The following PCDHAC2 variants were observed in gnomAD, a reference collection of about 807,000 sequenced individuals.
PCDHAC2 encodes the protein protocadherin alpha-C2.
In PCDHAC2, 24 loss-of-function variants were observed where a neutral mutation model predicts 63.3. The observed-to-expected ratio is 0.38, with a 90% CI of 0.27 to 0.53. The LOEUF (loss-of-function observed/expected upper bound fraction) is 0.53, where lower values mean the gene tolerates loss of function less well. PCDHAC2 is among the 20% of genes least tolerant of loss of function. The probability of loss-of-function intolerance (pLI) is 0.81; values close to 1 mark genes in which losing one functional copy is unlikely to be tolerated. For synonymous variants in PCDHAC2, 569 were observed against 529.4 expected (o/e 1.07, Z -1.03); for missense variants, 1,181 against 1,275.2 (o/e 0.93, Z 1.12).
At chr5:140,971,958 C>G (rs2096508715) in intron 1 of PCDHAC2, among the ~76,000 whole-genome samples, 1 of 152,054 alleles carries the variant, frequency 6.6e-6, no homozygotes, top group Non-Finnish European at 1.5e-5. Context: ...ACTCCAAAAA[C>G]TTTTTTTCAA....
chr5:140,990,729 C>G (rs2097409512), intron 3 of PCDHAC2, among the ~76,000 whole-genome samples: 1 of 152,134 alleles, frequency 6.6e-6, no homozygotes, highest in Non-Finnish European at 1.5e-5. Flanking sequence ...CTAGGTATAT[C>G]AACAGCCCTA....
intron 3 of PCDHAC2, among the ~76,000 whole-genome samples, chr5:141,007,874 T>TA (rs2098349969): frequency 6.6e-6 from 1 of 152,244 alleles, no homozygotes; most frequent in African/African-American, 2.4e-5. Flanking sequence ...TCCTTTGTCT[T>TA]ACACTTCTTT....
At position 140,974,721 on chromosome 5, in the gene PCDHAC2, G is replaced by A. The variant is rs1033117636; in HGVS notation, c.2566-4228G>A. 3.9e-5 allele frequency among the ~76,000 whole-genome samples: 6 copies of A among 152,050 alleles called. No homozygotes were observed. In the East Asian group the frequency reaches 1.2e-3, roughly 29 times the overall value. On this transcript the variant is annotated intron_variant, in intron 1 of 3. Transcript: ENST00000289269. ...TCACCATGTTGTTCAAGCTGCTCTCGAACTCCTGTCTCCACCTTGGCCTCC... is the reference window on the plus strand; with the variant it reads ...TCACCATGTTGTTCAAGCTGCTCTCAAACTCCTGTCTCCACCTTGGCCTCC...
chr5:140,999,523 C>T (rs115576128), intron 3 of PCDHAC2, among the ~76,000 whole-genome samples: 1 of 152,026 alleles, frequency 6.6e-6, no homozygotes, highest in Non-Finnish European at 1.5e-5. Context: ...CATTTTGTTA[C>T]CCCCTGGATA....
intron 3 of PCDHAC2, among the ~76,000 whole-genome samples, chr5:140,987,919 A>G (rs1441531471): frequency 1.3e-5 from 2 of 152,082 alleles, no homozygotes; most frequent in East Asian, 3.9e-4. Context: ...TATATTCTTA[A>G]TTGTCTCAAG....
In PCDHAC2 at chr5:140,967,066, C is replaced by T. The variant is rs782715200; in HGVS notation, c.300C>T (p.Phe100=). 2.5e-6 allele frequency: 4 copies of T among 1,612,790 alleles called. No individual in the cohort carries two copies. Among genetic ancestry groups the T allele is most frequent in the African/African-American group, 1.3e-5 (1 of 74,956 alleles). ...LELDLTSGAL[F]VNERIDREAL... is the part of the protein sequence containing the mutation. ...TGGACCTGACGAGTGGAGCGCTCTT[C>T]GTCAACGAGCGCATTGATCGGGAGG... Residue 100 remains phenylalanine (F), a synonymous_variant, in exon 1 of 4, where the codon TTC becomes TTT. Coordinates refer to ENST00000289269, the MANE Select transcript of PCDHAC2 (RefSeq NM_018899.6).
At chr5:140,973,414 C>G (rs992904408) in intron 1 of PCDHAC2, among the ~76,000 whole-genome samples, 1 of 152,204 alleles carries the variant, frequency 6.6e-6, no homozygotes, top group Non-Finnish European at 1.5e-5. Flanking sequence ...GCTTCCACTC[C>G]AGTTTTTCAT....
intron 3 of PCDHAC2, among the ~76,000 whole-genome samples, chr5:140,986,669 G>C (rs1448376850): frequency 6.6e-6 from 1 of 152,138 alleles, no homozygotes; most frequent in African/African-American, 2.4e-5. Flanking sequence ...ACAGTTTTCA[G>C]AAGAGTTCAG....
intron 3 of PCDHAC2, among the ~76,000 whole-genome samples, chr5:140,999,252 T>C (rs1474093411): frequency 1.3e-5 from 2 of 152,204 alleles, no homozygotes; most frequent in African/African-American, 4.8e-5. Flanking sequence ...GGGAGTTGGA[T>C]TAGTAAAGGA....
intron 2 of PCDHAC2, 69 bp downstream of exon 2, chr5:140,979,076 C>G: frequency 6.3e-7 from 1 of 1,584,068 alleles, no homozygotes; most frequent in South Asian, 1.1e-5. Flanking sequence ...AACTGCATCT[C>G]CATAGGCCAG....
rs782464741 is a variant in PCDHAC2, at chr5:140,967,708, C to A, written c.942C>A (p.Thr314=). The A allele has an allele frequency of 6.2e-7, 1 of 1,614,158 alleles. No individual in the cohort carries two copies. Among genetic ancestry groups the A allele is most frequent in the Admixed American group, 1.7e-5 (1 of 60,022 alleles). The stretch of plus-strand genomic sequence containing the variant: ...AGCTCTTCAGCATAGATGCCAGTAC[C>A]GGGGAAGTGCGAGTAATTGGGGGGC... ...ERQLFSIDAS[T]GEVRVIGGLD... Residue 314 remains threonine, a synonymous_variant, in exon 1 of 4, where the codon ACC becomes ACA. Transcript: ENST00000289269.
In PCDHAC2 at chr5:140,966,868, G is replaced by A. The variant is rs781853403; in HGVS notation, c.102G>A (p.Leu34=). Reference sequence around the variant, plus strand: ...TGCCTCTCCTGCTGCTGTTGCTGCTGCTGCTACCTGGCCCTGCGGCCTCCC... The same window carrying A: ...TGCCTCTCCTGCTGCTGTTGCTGCTACTGCTACCTGGCCCTGCGGCCTCCC... ...LLLPLLLLLL[L]LLPGPAASQL... The change falls in exon 1 of 4, where the codon CTG becomes CTA. Residue 34 remains leucine (L), a synonymous_variant. Transcript: ENST00000289269. The A allele has an allele frequency of 3.0e-5, 47 of 1,580,198 alleles. No individual in the cohort carries two copies. Among genetic ancestry groups the A allele is most frequent in the Non-Finnish European group, 3.7e-5 (43 of 1,167,456 alleles).
In PCDHAC2 at chr5:140,969,293, C is replaced by A; in HGVS notation, c.2527C>A (p.Leu843Met). 1 of 1,614,186 alleles carries A rather than the reference C, an allele frequency of 6.2e-7. No homozygotes were observed. The highest frequency in any genetic ancestry group is 8.5e-7 in the Non-Finnish European group (1 of 1,180,030). The change falls in exon 1 of 4, where the codon CTG (leucine) becomes ATG (methionine). Residue 843 changes from leucine to methionine, a missense_variant. By Grantham distance (15) the Leu-to-Met change is conservative. Around this residue, in one of 3 missense-constraint regions of PCDHAC2, gnomAD observed 968 missense variants for 1,073.5 expected, o/e 0.90. Transcript: ENST00000289269. ...CCAAAGTGGTCAGAATGCTGGGAAC[C>A]TGATTATTCTCAAAAATGAGGCTGT... ...TGQSGQNAGN[L>M]IILKNEAVSQ...
chr5:140,985,505 T>C (rs2097155238), intron 3 of PCDHAC2, among the ~76,000 whole-genome samples: 1 of 152,188 alleles, frequency 6.6e-6, no homozygotes, highest in Non-Finnish European at 1.5e-5. Flanking sequence ...CTGCCTTTCA[T>C]TGATTCTGTT....
At chr5:141,005,725 A>AAAAAAG (rs2098234610) in intron 3 of PCDHAC2, among the ~76,000 whole-genome samples, 2 of 150,088 alleles carry the variant, frequency 1.3e-5, no homozygotes, top group Admixed American at 6.6e-5. Flanking sequence ...AAAAAAAAAA[A>AAAAAAG]AAAAAAGAAT....
chr5:140,968,562 C>G lies in PCDHAC2; in HGVS notation c.1796C>G (p.Pro599Arg). 6.2e-7 allele frequency: 1 copy of G among 1,614,208 alleles called. No homozygotes were observed. The highest frequency in any genetic ancestry group is 1.1e-5 in the South Asian group (1 of 91,084). ...TTCGAGATGGTGCCTCGAACTGCCC[C>G]TGCTGGCTACCTGGTCACCAAAGTC... ...AAFEMVPRTAPAGYLVTKVIA... is the reference protein window; with the variant it reads ...AAFEMVPRTARAGYLVTKVIA... The change falls in exon 1 of 4, where the codon CCT becomes CGT. Residue 599 changes from proline to arginine, a missense_variant. Transcript: ENST00000289269.
At chr5:140,998,548 T>A (rs904925148) in intron 3 of PCDHAC2, among the ~76,000 whole-genome samples, 7 of 149,880 alleles carry the variant, frequency 4.7e-5, no homozygotes, top group African/African-American at 1.7e-4. Context: ...CCTAATTTAA[T>A]GTCTAATTTA....
chr5:140,986,401 C>T (rs782437347), intron 3 of PCDHAC2, among the ~76,000 whole-genome samples: 1 of 152,172 alleles, frequency 6.6e-6, no homozygotes. Context: ...GCCAGTCGCT[C>T]ATGTTACAGC....
At chr5:140,984,730 T>C (rs956611464) in intron 3 of PCDHAC2, among the ~76,000 whole-genome samples, 4 of 152,186 alleles carry the variant, frequency 2.6e-5, no homozygotes, top group Non-Finnish European at 4.4e-5. Context: ...ATTAAGATTA[T>C]GATTTAGAGT....
Sources: gnomAD v4.1 joint callset for allele counts (sites outside exome capture counted in the v4.1 genomes callset) on GRCh38, gnomAD v4.1.1 for gene constraint, gnomAD v4.1.1 regional missense constraint, MANE v1.5 for transcripts, NCBI Gene and HGNC (gene_info 2026-07-23, HGNC 2026-07-21) for gene names.